The following PPIL2 variants were observed in gnomAD, a reference collection of about 807,000 sequenced individuals.
PPIL2 encodes the protein peptidylprolyl isomerase like 2, also known as RING-type E3 ubiquitin-protein ligase PPIL2.
In PPIL2, 50 loss-of-function variants were observed where a neutral mutation model predicts 75.2. The observed-to-expected ratio is 0.66, with a 90% CI of 0.53 to 0.84. The LOEUF (loss-of-function observed/expected upper bound fraction) is 0.84. PPIL2 is among the 40% of genes least tolerant of loss of function. The pLI, the probability that PPIL2 is intolerant of heterozygous loss-of-function variation, is 0.00. For synonymous variants in PPIL2, 245 were observed against 258.8 expected (o/e 0.95, Z 0.51); for missense variants, 590 against 685.0 (o/e 0.86, Z 1.55).
intron 11 of PPIL2, 98 bp from the exon 12 acceptor site, chr22:21,686,794 G>A: frequency 8.0e-7 from 1 of 1,256,516 alleles, no homozygotes; most frequent in Non-Finnish European, 1.2e-6. Context: ...CAGAGCTGGA[G>A]CCTAGTCCCC....
In PPIL2 at chr22:21,688,824, G is replaced by A. The variant is rs142825104; in HGVS notation, c.1114G>A (p.Gly372Arg). Reference protein sequence around the residue: ...GRGILSMANSGPNSNRSQFFI... With the variant: ...GRGILSMANSRPNSNRSQFFI... ...CGGCATCCTCAGCATGGCCAACTCC[G>A]GGCCCAACAGCAACAGGTCTCAATT... Residue 372 changes from glycine (G) to arginine (R), a missense_variant, in exon 15 of 20, where the codon GGG (glycine) becomes AGG (arginine). Gly to Arg is a moderately radical substitution (Grantham distance 125). Transcript: ENST00000398831. 20 of 1,614,082 alleles carry A rather than the reference G, an allele frequency of 1.2e-5. No individual in the cohort carries two copies. The African/African-American group carries it at 1.3e-4, about 11-fold the overall frequency.
chr22:21,670,702 G>A (rs991419652), intron 3 of PPIL2, 91 bp downstream of exon 3: 22 of 1,356,284 alleles, frequency 1.6e-5, no homozygotes, highest in Admixed American at 8.6e-5. Flanking sequence ...GGGGTTATGC[G>A]TAAAAGTGTG....
At position 21,696,816 on chromosome 22, in the gene PPIL2, C is replaced by T; in HGVS notation, c.*1326C>T. On this transcript the variant is annotated 3_prime_UTR_variant, in exon 20 of 20. Transcript: ENST00000398831. ...CTGATGCTGAAGCTGCAGGCCTGAGCCCTTTGTCTCCCTGGATGCTGGGTG... is the reference window on the plus strand; with the variant it reads ...CTGATGCTGAAGCTGCAGGCCTGAGTCCTTTGTCTCCCTGGATGCTGGGTG... 1 of 1,555,372 alleles carries T rather than the reference C, an allele frequency of 6.4e-7. No homozygotes were observed. The highest frequency in any genetic ancestry group is 8.7e-7 in the Non-Finnish European group (1 of 1,149,958).
chr22:21,671,169 A>C, intron 4 of PPIL2, 110 bp downstream of exon 4: 1 of 1,101,354 alleles, frequency 9.1e-7, no homozygotes, highest in Non-Finnish European at 1.4e-6. Flanking sequence ...CAGAAGTAAC[A>C]GCTAGGGCCT....
At chr22:21,688,610 C>G (rs1401229351) in intron 14 of PPIL2, 122 bp from the exon 15 acceptor site, 1 of 897,468 alleles carries the variant, frequency 1.1e-6, no homozygotes, top group Non-Finnish European at 1.8e-6. Flanking sequence ...GCCTCCCTAT[C>G]AAGTGCCCCT....
At chr22:21,669,040 C>CG (rs1569016141) in intron 1 of PPIL2, among the ~76,000 whole-genome samples, 47 of 125,250 alleles carry the variant, frequency 3.8e-4, no homozygotes, top group Non-Finnish European at 4.9e-4. Flanking sequence ...TTAGTAGAGA[C>CG]TGGTTTCACC....
chr22:21,695,418 C>T lies in PPIL2; in HGVS notation c.1491C>T (p.Pro497=), dbSNP rs2067881268. Reference sequence around the variant, plus strand: ...GGAAGCGAGCAGCAGAGGAAGAGCCCTCAACCAGTGCCACTGTCCCCATGT... The same window carrying T: ...GGAAGCGAGCAGCAGAGGAAGAGCCTTCAACCAGTGCCACTGTCCCCATGT... ...AATKRAAEEE[P]STSATVPMSK... is the part of the protein sequence containing the mutation. Residue 497 remains proline, a synonymous_variant, in exon 20 of 20, where the codon CCC becomes CCT. Transcript: ENST00000398831. 6.2e-7 allele frequency: 1 copy of T among 1,609,790 alleles called. No homozygotes were observed. Among genetic ancestry groups the T allele is most frequent in the African/African-American group, 1.3e-5 (1 of 74,822 alleles).
rs2066665248 is a variant in PPIL2, at chr22:21,672,300, G to A, written c.192-30G>A. On this transcript the variant is annotated intron_variant, in intron 4 of 19. Transcript: ENST00000398831. Reference sequence around the variant, plus strand: ...TACCAGGTGGCGCCTAAGCACCCTGGTGATGCTTTCTGTTCTGTCTTCCCT... The same window carrying A: ...TACCAGGTGGCGCCTAAGCACCCTGATGATGCTTTCTGTTCTGTCTTCCCT... The A allele has an allele frequency of 2.5e-6, 4 of 1,595,040 alleles. No individual in the cohort carries two copies. In the East Asian group the frequency reaches 8.9e-5, roughly 36 times the overall value.
chr22:21,674,982 T>G, intron 5 of PPIL2, 82 bp from the exon 6 acceptor site: 1 of 1,318,602 alleles, frequency 7.6e-7, no homozygotes, highest in South Asian at 1.2e-5. Flanking sequence ...TCAGAGACTT[T>G]TCCTGCCTGT....
chr22:21,693,145 T>G lies in PPIL2; in HGVS notation c.1140-671T>G, dbSNP rs140527350. On this transcript the variant is annotated intron_variant, in intron 15 of 19. Coordinates refer to ENST00000398831, the MANE Select transcript of PPIL2 (RefSeq NM_014337.4). ...TTACTGCAACCTCTGCCTCCCAGGT[T>G]AAAGCGATTCTCCTGCCTTGGCCTC... Among the ~76,000 whole-genome samples the G allele has an allele frequency of 5.2e-3, 797 of 152,124 alleles. 5 individuals are homozygous for G. The highest frequency in any genetic ancestry group is 0.018 in the African/African-American group (761 of 41,518).
At chr22:21,680,384 G>T (rs554807306) in intron 6 of PPIL2, among the ~76,000 whole-genome samples, 1 of 152,142 alleles carries the variant, frequency 6.6e-6, no homozygotes, top group Non-Finnish European at 1.5e-5. Context: ...AAAATTAGTC[G>T]TACATGGTGA....
At position 21,695,386 on chromosome 22, in the gene PPIL2, C is replaced by A; in HGVS notation, c.1467-8C>A. On this transcript the variant is annotated splice_polypyrimidine_tract_variant and splice_region_variant and intron_variant, in intron 19 of 19. Coordinates refer to ENST00000398831, the MANE Select transcript of PPIL2 (RefSeq NM_014337.4). ...GTGTGGGCTCCCAGCGGCTTCTTCT[C>A]TTCCCAGGAAGCGAGCAGCAGAGGA... 1 of 1,600,488 alleles carries A rather than the reference C, an allele frequency of 6.2e-7. No individual in the cohort carries two copies. The highest frequency in any genetic ancestry group is 2.3e-5 in the East Asian group (1 of 44,344).
At position 21,688,241 on chromosome 22, in the gene PPIL2, G is replaced by C. The variant is rs890972182; in HGVS notation, c.1021+135G>C. The stretch of plus-strand genomic sequence containing the variant: ...AGGGTGGAACGACTGGCAGCCATCA[G>C]TGCTGTGCCCCCTCAGGCCTGGCCC... On this transcript the variant is annotated intron_variant, in intron 14 of 19. Coordinates refer to ENST00000398831, the MANE Select transcript of PPIL2 (RefSeq NM_014337.4). The C allele has an allele frequency of 1.0e-5, 12 of 1,166,768 alleles. No individual in the cohort carries two copies. In the African/African-American group the frequency reaches 1.8e-4, roughly 18 times the overall value. 72.3% of individuals were successfully genotyped at this position (1,166,768 alleles called of 1,614,324 possible).
In PPIL2 at chr22:21,682,566, A is replaced by G. The variant is rs374583507; in HGVS notation, c.477+40A>G. On this transcript the variant is annotated intron_variant, in intron 8 of 19. Coordinates refer to ENST00000398831, the MANE Select transcript of PPIL2 (RefSeq NM_014337.4). ...CCTGCCTGCCCCAGCTGCCTTCAGCACCTGCAGCCAGCCCAGGCCTCTACA... is the reference window on the plus strand; with the variant it reads ...CCTGCCTGCCCCAGCTGCCTTCAGCGCCTGCAGCCAGCCCAGGCCTCTACA... The G allele has an allele frequency of 4.6e-5, 72 of 1,560,274 alleles. No individual in the cohort carries two copies. The African/African-American group carries it at 7.0e-4, about 15-fold the overall frequency.
At chr22:21,681,253 C>T in intron 6 of PPIL2, 46 bp from the exon 7 acceptor site, 1 of 1,494,680 alleles carries the variant, frequency 6.7e-7, no homozygotes, top group Non-Finnish European at 9.3e-7. Context: ...GGGATGTTCA[C>T]AGCCCACAGA....
chr22:21,699,162 GTTTA>G (rs1241184059), downstream of PPIL2: 1 of 152,450 alleles, frequency 6.6e-6, no homozygotes, highest in African/African-American at 2.4e-5. Flanking sequence ...GCAGGTCTGG[GTTTA>G]GGAAGGGCTG....
chr22:21,686,763 C>T, intron 11 of PPIL2, 129 bp from the exon 12 acceptor site: 3 of 1,088,942 alleles, frequency 2.8e-6, no homozygotes, highest in Non-Finnish European at 4.1e-6. Flanking sequence ...GACCCTCGGC[C>T]TCCAGCTCCC....
chr22:21,669,151 T>G (rs570730647), intron 1 of PPIL2, among the ~76,000 whole-genome samples: 1 of 149,614 alleles, frequency 6.7e-6, no homozygotes, highest in South Asian at 2.2e-4. Context: ...GCCCGGCCGG[T>G]TTTTTTTGTT....
In PPIL2 at chr22:21,688,723, C is replaced by G; in HGVS notation, c.1022-9C>G. On this transcript the variant is annotated splice_polypyrimidine_tract_variant and intron_variant, in intron 14 of 19. Coordinates refer to ENST00000398831, the MANE Select transcript of PPIL2 (RefSeq NM_014337.4). ...GGCTTTCCTGCTCCCATGGGCCTTT[C>G]TCTTCCAGGTGGGGAGTCATACTGG... is the stretch of plus-strand genomic sequence containing the variant. 1 of 1,613,608 alleles carries G rather than the reference C, an allele frequency of 6.2e-7. No individual in the cohort carries two copies. Among genetic ancestry groups the G allele is most frequent in the African/African-American group, 1.3e-5 (1 of 75,064 alleles).
Sources: allele counts gnomAD v4.1 joint callset (sites outside exome capture counted in the v4.1 genomes callset), GRCh38; gene constraint gnomAD v4.1.1; transcripts MANE v1.5; gene names NCBI Gene and HGNC (gene_info 2026-07-23, HGNC 2026-07-21).